ACYP2: variants seen among roughly 807,000 people sequenced by gnomAD.
ACYP2 encodes acylphosphatase-2.
In ACYP2, 12 loss-of-function variants were observed where a neutral mutation model predicts 11.2. The observed-to-expected ratio is 1.08, with a 90% CI of 0.69 to 1.74. The LOEUF (loss-of-function observed/expected upper bound fraction) is 1.74, where lower values mean the gene tolerates loss of function less well. ACYP2 is among the 40% of genes most tolerant of loss of function. The pLI is 0.00. For missense variants in ACYP2, 134 were observed against 101.9 expected (o/e 1.31, Z -1.35); for synonymous variants, 43 against 32.2 (o/e 1.33, Z -1.13).
At chr2:53,973,181 A>G (rs1470558319) in intron 1 of ACYP2, among the ~76,000 whole-genome samples, 2 of 152,232 alleles carry the variant, frequency 1.3e-5, no homozygotes, top group Non-Finnish European at 2.9e-5. Context: ...TTTATTGGAT[A>G]GTTTATTGAT....
chr2:54,041,326 G>A (rs886065826), intron 2 of ACYP2, among the ~76,000 whole-genome samples: 2 of 152,124 alleles, frequency 1.3e-5, no homozygotes, highest in African/African-American at 2.4e-5. Context: ...ATGATGCAGC[G>A]GTGGGTGTTT....
intron 4 of ACYP2, among the ~76,000 whole-genome samples, chr2:54,117,290 T>A (rs1332632587): frequency 1.3e-5 from 2 of 152,080 alleles, no homozygotes; most frequent in South Asian, 4.1e-4. Flanking sequence ...AAGTTTATTT[T>A]TTTAATTTTA....
At chr2:54,016,934 C>A (rs1000021973) in intron 2 of ACYP2, among the ~76,000 whole-genome samples, 1 of 151,976 alleles carries the variant, frequency 6.6e-6, no homozygotes, top group African/African-American at 2.4e-5. Flanking sequence ...ACCGTGTTAG[C>A]CAGGATGGTC....
intron 6 of ACYP2, among the ~76,000 whole-genome samples, chr2:54,214,521 G>A (rs1685477229): frequency 6.6e-6 from 1 of 152,112 alleles, no homozygotes. Flanking sequence ...GCTTGTTATT[G>A]TCAACTTTGT....
intron 2 of ACYP2, among the ~76,000 whole-genome samples, chr2:54,038,693 A>ATATG (rs1431252111): frequency 2.3e-5 from 1 of 43,336 alleles, no homozygotes; most frequent in East Asian, 6.9e-4. Context: ...ATATATATAT[A>ATATG]TATATATATA....
chr2:54,199,342 G>T (rs549251530), intron 6 of ACYP2, among the ~76,000 whole-genome samples: 2 of 152,114 alleles, frequency 1.3e-5, no homozygotes, highest in African/African-American at 4.8e-5. Context: ...TCCTCTGCTC[G>T]TGCACACGTG....
intron 6 of ACYP2, among the ~76,000 whole-genome samples, chr2:54,196,451 G>A (rs1684484146): frequency 6.6e-6 from 1 of 152,022 alleles, no homozygotes; most frequent in Admixed American, 6.6e-5. Context: ...TTGTTTCTGT[G>A]GTAAACATAC....
intron 4 of ACYP2, among the ~76,000 whole-genome samples, chr2:54,070,525 C>T (rs1676980418): frequency 6.6e-6 from 1 of 152,028 alleles, no homozygotes; most frequent in Non-Finnish European, 1.5e-5. Context: ...AGATTTTTCC[C>T]CACTTACTTA....
chr2:54,147,840 T>G (rs184269893), intron 6 of ACYP2, among the ~76,000 whole-genome samples: 53 of 152,322 alleles, frequency 3.5e-4, no homozygotes, highest in Non-Finnish European at 4.4e-4. Context: ...GTTTTCCTAC[T>G]AATTATTTGT....
intron 6 of ACYP2, among the ~76,000 whole-genome samples, chr2:54,198,477 G>T (rs915892413): frequency 1.3e-5 from 2 of 152,092 alleles, no homozygotes; most frequent in African/African-American, 2.4e-5. Flanking sequence ...AAATGTGGGG[G>T]CTCTTGTTCA....
At chr2:53,990,254 C>T (rs981355340) in intron 2 of ACYP2, among the ~76,000 whole-genome samples, 5 of 152,020 alleles carry the variant, frequency 3.3e-5, no homozygotes, top group South Asian at 4.2e-4. Flanking sequence ...GTTGTGATTA[C>T]AGGCATGAGC....
chr2:54,098,852 T>C (rs1005161461), intron 4 of ACYP2, among the ~76,000 whole-genome samples: 8 of 152,122 alleles, frequency 5.3e-5, no homozygotes, highest in Admixed American at 2.6e-4. Flanking sequence ...CTCAGCCTTC[T>C]GAGTAGCTGG....
At chr2:54,268,635 C>G (rs950456907) in intron 6 of ACYP2, among the ~76,000 whole-genome samples, 1 of 131,418 alleles carries the variant, frequency 7.6e-6, no homozygotes, top group African/African-American at 2.9e-5. Context: ...GACCCAGTCT[C>G]TACCAAAAAA....
At chr2:54,174,099 T>A (rs923451267) in intron 6 of ACYP2, among the ~76,000 whole-genome samples, 1 of 152,218 alleles carries the variant, frequency 6.6e-6, no homozygotes, top group Admixed American at 6.5e-5. Flanking sequence ...GGAGATGGCA[T>A]TGAATCTATA....
intron 6 of ACYP2, among the ~76,000 whole-genome samples, chr2:54,225,631 T>C (rs1354602433): frequency 2.0e-5 from 3 of 152,200 alleles, no homozygotes; most frequent in Non-Finnish European, 4.4e-5. Flanking sequence ...TAACTTCGTC[T>C]TTTGTATTCA....
At chr2:54,147,009 T>TGGTCTCCCC (rs1304550496) in intron 6 of ACYP2, among the ~76,000 whole-genome samples, 1 of 152,064 alleles carries the variant, frequency 6.6e-6, no homozygotes, top group Non-Finnish European at 1.5e-5. Context: ...TTGGCCAGGC[T>TGGTCTCCCC]GGTCTCAAAC....
intron 2 of ACYP2, among the ~76,000 whole-genome samples, chr2:53,993,536 A>G (rs1303826310): frequency 2.6e-5 from 4 of 151,744 alleles, no homozygotes; most frequent in Admixed American, 6.6e-5. Flanking sequence ...CATCTCTACT[A>G]AAAATACAAA....
At chr2:54,002,350 CTT>C (rs35906411) in intron 2 of ACYP2, among the ~76,000 whole-genome samples, 3 of 144,720 alleles carry the variant, frequency 2.1e-5, no homozygotes, top group Non-Finnish European at 1.5e-5. Context: ...TCATTTCTTT[CTT>C]TTTTTTTTTT....
chr2:53,995,481 A>ATTTTTTT (rs1481247399), intron 2 of ACYP2, among the ~76,000 whole-genome samples: 5 of 113,786 alleles, frequency 4.4e-5, no homozygotes, highest in South Asian at 6.6e-4. Context: ...TTATTTATTT[A>ATTTTTTT]TTTATTTTTT....
Sources: allele counts gnomAD v4.1 joint callset (sites outside exome capture counted in the v4.1 genomes callset), GRCh38; gene constraint gnomAD v4.1.1; transcripts MANE v1.5; gene names NCBI Gene and HGNC (gene_info 2026-07-23, HGNC 2026-07-21).